Variants in EBF3 observed in about 807,000 individuals in gnomAD.
EBF3 encodes the protein EBF transcription factor 3.
In EBF3, 18 loss-of-function variants were observed where a neutral mutation model predicts 77.1. That is an observed-to-expected ratio of 0.23 (90% CI 0.16 to 0.35). EBF3 has a LOEUF of 0.35. Ranked by LOEUF, EBF3 falls within the 10% of genes least tolerant of loss-of-function variation. The probability of loss-of-function intolerance (pLI) is 1.00; values close to 1 mark genes in which losing one functional copy is unlikely to be tolerated. For missense variants in EBF3, 558 were observed against 860.0 expected (o/e 0.65, Z 4.39); for synonymous variants, 350 against 343.5 (o/e 1.02, Z -0.21).
intron 6 of EBF3, among the ~76,000 whole-genome samples, chr10:129,916,730 C>T (rs1009551345): frequency 4.6e-5 from 7 of 152,200 alleles, no homozygotes; most frequent in South Asian, 2.1e-4. Flanking sequence ...ATGGACCCTT[C>T]GCTGAGGCCA....
intron 6 of EBF3, among the ~76,000 whole-genome samples, chr10:129,903,102 A>G (rs1285767231): frequency 2.0e-5 from 3 of 152,248 alleles, no homozygotes; most frequent in Non-Finnish European, 4.4e-5. Flanking sequence ...AGTCATACAC[A>G]CGTTTCACCT....
rs1394198876 is a variant in EBF3, at chr10:129,867,850, T to C, written c.844A>G (p.Ile282Val). 1 of 1,614,260 alleles carries C rather than the reference T, an allele frequency of 6.2e-7. No individual in the cohort carries two copies. The highest frequency in any genetic ancestry group is 2.2e-5 in the East Asian group (1 of 44,884). The change falls in exon 9 of 17, where the codon ATC (isoleucine) becomes GTC (valine). Residue 282 changes from isoleucine to valine, a missense_variant. This residue lies in a region of EBF3 where 112 missense variants were observed against 207.7 expected (regional missense o/e 0.54). Coordinates refer to ENST00000440978, the MANE Select transcript of EBF3 (RefSeq NM_001375380.1). ...EGWTTGGATV[I>V]IIGDNFFDGL... is the part of the protein sequence containing the mutation. ...TCAAAGAAGTTGTCGCCAATTATGA[T>C]GACGGTGGCACCCCCCGTGGTCCAG...
chr10:129,958,943 A>T lies in EBF3; in HGVS notation c.476T>A (p.Ile159Asn), dbSNP rs1461458673. ...EMCRVLLTHE[I>N]MCSRCCDKKS... is the part of the protein sequence containing the mutation. The stretch of plus-strand genomic sequence containing the variant: ...GCCGCCCGCCGCTCACCTGCACATG[A>T]TCTCGTGGGTCAGCAGCACACGGCA... Residue 159 changes from isoleucine (I) to asparagine (N), a missense_variant, in exon 5 of 17, where the codon ATC becomes AAC. Ile to Asn is a moderately radical substitution (Grantham distance 149). Around this residue, in one of 5 missense-constraint regions of EBF3, gnomAD observed 14 missense variants for 87.3 expected, o/e 0.16. Coordinates refer to ENST00000440978, the MANE Select transcript of EBF3 (RefSeq NM_001375380.1). The T allele has an allele frequency of 6.3e-7, 1 of 1,596,142 alleles. No homozygotes were observed.
chr10:129,962,783 G>A (rs1859625783), intron 3 of EBF3, among the ~76,000 whole-genome samples, 159 bp downstream of exon 3: 1 of 152,122 alleles, frequency 6.6e-6, no homozygotes, highest in Non-Finnish European at 1.5e-5. Flanking sequence ...AAGTGCCATC[G>A]ACTTATTGAT....
chr10:129,880,567 G>A (rs1454732899), intron 6 of EBF3, among the ~76,000 whole-genome samples: 1 of 152,210 alleles, frequency 6.6e-6, no homozygotes, highest in Non-Finnish European at 1.5e-5. Flanking sequence ...ATGTGGCAAT[G>A]ATAGTTTCTG....
rs1198200516 is a variant in EBF3, at chr10:129,836,385, T to G, written c.*1558A>C. 1 of 152,270 alleles carries G rather than the reference T, an allele frequency of 6.6e-6. No individual in the cohort carries two copies. Among genetic ancestry groups the G allele is most frequent in the Non-Finnish European group, 1.5e-5 (1 of 67,896 alleles). 9.4% of individuals were successfully genotyped at this position (152,270 alleles called of 1,614,324 possible). On this transcript the variant is annotated 3_prime_UTR_variant, in exon 17 of 17. Coordinates refer to ENST00000440978, the MANE Select transcript of EBF3 (RefSeq NM_001375380.1). ...GTGGCATCTAAAATGACTTTTTACA[T>G]TCTACAAAAAAATAAAATAAAATAA... is the stretch of plus-strand genomic sequence containing the variant.
intron 6 of EBF3, among the ~76,000 whole-genome samples, chr10:129,956,474 C>T (rs376276197): frequency 3.9e-5 from 6 of 152,148 alleles, no homozygotes; most frequent in African/African-American, 1.4e-4. Flanking sequence ...CGAAACCCAG[C>T]GAGTTGGGAG....
intron 4 of EBF3, among the ~76,000 whole-genome samples, chr10:129,960,030 C>T (rs1290976642): frequency 6.6e-6 from 1 of 151,942 alleles, no homozygotes; most frequent in East Asian, 1.9e-4. Flanking sequence ...AGCCCGGCTC[C>T]GCCGCTGGGA....
chr10:129,896,645 C>T (rs11818401), intron 6 of EBF3, among the ~76,000 whole-genome samples: 8,911 of 152,292 alleles, frequency 0.059, 333 homozygotes, highest in South Asian at 0.1. Context: ...CACCGTGCAG[C>T]CCTTGAGCTC....
At chr10:129,840,189 C>A in intron 15 of EBF3, 56 bp downstream of exon 15, 24 of 1,471,346 alleles carry the variant, frequency 1.6e-5, no homozygotes, top group Admixed American at 2.1e-5. Context: ...CCCCCACTCC[C>A]ATCCCCACCC....
chr10:129,951,710 G>C (rs116700197), intron 6 of EBF3, among the ~76,000 whole-genome samples: 1 of 152,214 alleles, frequency 6.6e-6, no homozygotes, highest in African/African-American at 2.4e-5. Flanking sequence ...CGCGGCAGGC[G>C]ACCACGCAAG....
chr10:129,893,427 G>A (rs1411208613), intron 6 of EBF3, among the ~76,000 whole-genome samples: 1 of 152,136 alleles, frequency 6.6e-6, no homozygotes, highest in East Asian at 1.9e-4. Context: ...AAATATTACT[G>A]AATACCTTCT....
intron 6 of EBF3, among the ~76,000 whole-genome samples, chr10:129,934,203 A>G (rs1857207785): frequency 1.3e-5 from 2 of 151,600 alleles, no homozygotes; most frequent in Non-Finnish European, 2.9e-5. Flanking sequence ...TCCTTGATCC[A>G]TTGCCTGAAG....
chr10:129,911,332 C>CCACA (rs1855511236), intron 6 of EBF3, among the ~76,000 whole-genome samples: 1 of 152,234 alleles, frequency 6.6e-6, no homozygotes, highest in Admixed American at 6.5e-5. Context: ...CATTGCAGAG[C>CCACA]CACAGCCCAA....
rs2134664496 is a variant in EBF3 at position 129,964,014 on chromosome 10, G to C, written c.-246C>G. ...CGGCGGCGCTTCGAAGGAGCAGGAC[G>C]CGGTGGCCGCGGCGGCGCTTGTTGT... On this transcript the variant is annotated 5_prime_UTR_variant, in exon 1 of 17. Coordinates refer to ENST00000440978, the MANE Select transcript of EBF3 (RefSeq NM_001375380.1). This position sits in a 1 kb window ranked among gnomAD's most constrained non-coding sequence, Gnocchi z 4.5. 4.1e-6 allele frequency: 4 copies of C among 985,176 alleles called. No individual in the cohort carries two copies. In the Admixed American group the frequency reaches 1.8e-4, roughly 45 times the overall value. The allele number at this position is 985,176 out of a possible 1,614,324, so 61.0% of individuals were successfully genotyped here. A position where few individuals can be genotyped will look rare whatever the true frequency, so the allele number is the denominator to read the frequency against.
At chr10:129,840,622 A>G (rs1312501803) in intron 14 of EBF3, among the ~76,000 whole-genome samples, 180 bp from the exon 15 acceptor site, 2 of 152,118 alleles carry the variant, frequency 1.3e-5, no homozygotes, top group African/African-American at 2.4e-5. Context: ...TTCCCTTCCA[A>G]TTGAGCAGCC....
intron 6 of EBF3, among the ~76,000 whole-genome samples, chr10:129,939,160 C>A (rs1857557145): frequency 2.0e-5 from 3 of 152,210 alleles, no homozygotes; most frequent in South Asian, 2.1e-4. Flanking sequence ...ACTTCTAAGA[C>A]CTGCCTGGAG....
rs75277377 is a variant in EBF3 at position 129,946,529 on chromosome 10, G to A, written c.554+10729C>T. Among the ~76,000 whole-genome samples, 388 of 152,192 alleles carry A rather than the reference G, an allele frequency of 2.5e-3. 2 individuals are homozygous for A. The highest frequency in any genetic ancestry group is 0.016 in the Admixed American group (251 of 15,242). On this transcript the variant is annotated intron_variant, in intron 6 of 16. Coordinates refer to ENST00000440978, the MANE Select transcript of EBF3 (RefSeq NM_001375380.1). ...TAAGCCTCGCTTTATTCACAATCAC[G>A]TATGAAAGAAGTATTTTTAAAACTC...
chr10:129,859,753 CAT>C (rs1032864456), intron 10 of EBF3, among the ~76,000 whole-genome samples: 8 of 152,238 alleles, frequency 5.3e-5, no homozygotes, highest in African/African-American at 1.9e-4. Flanking sequence ...TGGAGCGAAA[CAT>C]AGTCTATCGA....
Sources: allele counts gnomAD v4.1 joint callset (sites outside exome capture counted in the v4.1 genomes callset), GRCh38; gene constraint gnomAD v4.1.1; regional missense constraint gnomAD v4.1.1; non-coding constraint Gnocchi (gnomAD v3.1); transcripts MANE v1.5; gene names NCBI Gene and HGNC (gene_info 2026-07-23, HGNC 2026-07-21).